ACTR3C: variants seen among roughly 807,000 people sequenced by gnomAD.
The protein encoded by ACTR3C is actin related protein 3C.
ACTR3C carries 18 observed loss-of-function variants against 26.3 expected under a neutral mutation model. The observed-to-expected ratio is 0.68, with a 90% CI of 0.47 to 1.01. ACTR3C has a LOEUF of 1.01. ACTR3C is among the 50% of genes least tolerant of loss of function. The pLI, the probability that ACTR3C is intolerant of heterozygous loss-of-function variation, is 0.00. For synonymous variants in ACTR3C, 55 were observed against 94.5 expected, an observed-to-expected ratio of 0.58 and a Z score of 2.42; for missense variants, 184 against 250.7, an observed-to-expected ratio of 0.73 and a Z score of 1.80.
chr7:149,965,148 ATTC>A, the ACTR3C span, among the ~76,000 whole-genome samples: 5 of 150,056 alleles, frequency 3.3e-5, no homozygotes, highest in Admixed American at 6.7e-5. Flanking sequence ...GAAATTGTTT[ATTC>A]TTTTCTCCTT....
At chr7:150,094,624 C>T in the ACTR3C span, among the ~76,000 whole-genome samples, 8 of 150,700 alleles carry the variant, frequency 5.3e-5, no homozygotes, top group South Asian at 1.0e-3. Context: ...GTTTGGGTTC[C>T]TCCAGCCCTG....
the ACTR3C span, among the ~76,000 whole-genome samples, chr7:150,039,833 C>G: frequency 3.2e-5 from 4 of 123,562 alleles, no homozygotes; most frequent in Admixed American, 1.5e-4. Context: ...GCCTCCGCCC[C>G]CAGCGATGGG....
the ACTR3C span, among the ~76,000 whole-genome samples, chr7:150,150,878 C>A: frequency 7.3e-6 from 1 of 136,418 alleles, no homozygotes; most frequent in Non-Finnish European, 1.6e-5. Flanking sequence ...TTCAAACTTG[C>A]TTTTGGTTTT....
intron 6 of ACTR3C, among the ~76,000 whole-genome samples, chr7:150,276,413 C>T (rs1203247971): frequency 6.6e-6 from 1 of 152,174 alleles, no homozygotes; most frequent in Non-Finnish European, 1.5e-5. Context: ...CTATTAGAAG[C>T]CCCTGCTGTT....
chr7:150,288,497 C>T (rs1835958727), intron 4 of ACTR3C, among the ~76,000 whole-genome samples: 1 of 139,548 alleles, frequency 7.2e-6, no homozygotes, highest in Non-Finnish European at 1.5e-5. Flanking sequence ...ATGCTCCAGC[C>T]TCAGCCTCCC....
chr7:150,041,147 T>C, the ACTR3C span, among the ~76,000 whole-genome samples: 139 of 150,512 alleles, frequency 9.2e-4, 1 homozygote, highest in South Asian at 0.028. Context: ...GAAGATTTTC[T>C]TGTAACTCAT....
At chr7:150,196,319 G>A in the ACTR3C span, among the ~76,000 whole-genome samples, 10 of 151,980 alleles carry the variant, frequency 6.6e-5, no homozygotes, top group Non-Finnish European at 1.2e-4. Context: ...GTTATATCTG[G>A]TTCATTTTGT....
chr7:150,041,357 C>G, the ACTR3C span: 2 of 150,800 alleles, frequency 1.3e-5, no homozygotes, highest in Admixed American at 1.3e-4. Context: ...TCTTTCTGTT[C>G]CCGAGCTGCG....
chr7:150,313,588 G>C (rs981839081), intron 1 of ACTR3C, among the ~76,000 whole-genome samples: 2 of 152,106 alleles, frequency 1.3e-5, no homozygotes, highest in South Asian at 2.1e-4. Flanking sequence ...AAGAAGGGAG[G>C]GGGGTACAGT....
the ACTR3C span, among the ~76,000 whole-genome samples, chr7:149,972,883 C>T: frequency 1.4e-3 from 206 of 143,930 alleles, no homozygotes; most frequent in African/African-American, 5.2e-3. Context: ...AGGTAAGCCC[C>T]GTGCGTGGGC....
At chr7:149,953,709 T>C in the ACTR3C span, among the ~76,000 whole-genome samples, 2 of 151,968 alleles carry the variant, frequency 1.3e-5, no homozygotes, top group African/African-American at 2.4e-5. Flanking sequence ...CTCTCTCCTT[T>C]CAGGACTCAT....
chr7:150,024,180 C>T, the ACTR3C span, among the ~76,000 whole-genome samples: 1 of 151,498 alleles, frequency 6.6e-6, no homozygotes, highest in Non-Finnish European at 1.5e-5. Flanking sequence ...CTGCACAGAG[C>T]GACTTTACAT....
rs1228498680 is a variant in ACTR3C, at chr7:150,305,172, C to T, written c.-51-9825G>A. Among the ~76,000 whole-genome samples, 546 of 151,344 alleles carry T rather than the reference C, an allele frequency of 3.6e-3. 7 individuals carry two copies. Among genetic ancestry groups the T allele is most frequent in the African/African-American group, 0.012 (505 of 40,658 alleles). The stretch of plus-strand genomic sequence containing the variant: ...GCTGGTGCAGAAGAAAGTTACTCCA[C>T]ACTGAGGGAAAATCCATTTTCTCCC... On this transcript the variant is annotated intron_variant, in intron 1 of 7. Transcript: ENST00000683684.
chr7:150,037,841 GA>G, the ACTR3C span, among the ~76,000 whole-genome samples: 30 of 86,874 alleles, frequency 3.5e-4, 2 homozygotes, highest in African/African-American at 1.1e-3. Context: ...CTGCCTCGCG[GA>G]GGGTGCCTCC....
chr7:150,010,650 C>T, the ACTR3C span, among the ~76,000 whole-genome samples: 542 of 148,178 alleles, frequency 3.7e-3, 1 homozygote, highest in African/African-American at 0.012. Context: ...GCCGAGATTG[C>T]GCCACTGCAC....
At chr7:150,055,996 G>A in the ACTR3C span, among the ~76,000 whole-genome samples, 1 of 152,106 alleles carries the variant, frequency 6.6e-6, no homozygotes, top group African/African-American at 2.4e-5. Flanking sequence ...GCATGTTAAA[G>A]CGTTCATTAT....
the ACTR3C span, among the ~76,000 whole-genome samples, chr7:150,082,676 A>T: frequency 6.6e-6 from 1 of 152,308 alleles, no homozygotes; most frequent in African/African-American, 2.4e-5. Flanking sequence ...TGTGAATTTC[A>T]TCTGGCCCTG....
the ACTR3C span, among the ~76,000 whole-genome samples, chr7:150,089,071 CTT>C: frequency 9.9e-5 from 15 of 152,102 alleles, 1 homozygote; most frequent in South Asian, 6.2e-4. Context: ...ATTGATCTCT[CTT>C]GTCTTGGATG....
chr7:150,099,068 ATTT>A, the ACTR3C span, among the ~76,000 whole-genome samples: 1 of 146,040 alleles, frequency 6.8e-6, no homozygotes, highest in Non-Finnish European at 1.5e-5. Context: ...ATGCCTTAAC[ATTT>A]TGACAACCCT....
Sources: gnomAD v4.1 joint callset for allele counts (sites outside exome capture counted in the v4.1 genomes callset) on GRCh38, gnomAD v4.1.1 for gene constraint, MANE v1.5 for transcripts, NCBI Gene and HGNC (gene_info 2026-07-23, HGNC 2026-07-21) for gene names.